Variants in PPP1CC observed in about 807,000 individuals in gnomAD.
PPP1CC encodes protein phosphatase 1 catalytic subunit gamma, also known as serine/threonine-protein phosphatase PP1-gamma catalytic subunit.
In PPP1CC, 16 loss-of-function variants were observed where a neutral mutation model predicts 38.4. The observed-to-expected ratio is 0.42, with a 90% confidence interval of 0.28 to 0.63. PPP1CC has a LOEUF of 0.63. Among genes scored for constraint, PPP1CC ranks in the 30% least tolerant of loss-of-function variants. The pLI, the probability that PPP1CC is intolerant of heterozygous loss-of-function variation, is 0.25. For synonymous variants in PPP1CC, 158 were observed against 136.0 expected, an observed-to-expected ratio of 1.16 and a Z score of -1.13; for missense variants, 170 against 391.3, an observed-to-expected ratio of 0.43 and a Z score of 4.77.
At chr12:110,731,088 A>G (rs1159223037) in intron 2 of PPP1CC, among the ~76,000 whole-genome samples, 1 of 152,134 alleles carries the variant, frequency 6.6e-6, no homozygotes, top group Non-Finnish European at 1.5e-5. Context: ...TGACTGATCA[A>G]TATCAGATCT....
In PPP1CC at chr12:110,742,884, A is replaced by T. The variant is rs1249562087; in HGVS notation, c.-177T>A. 2.4e-5 allele frequency: 10 copies of T among 423,674 alleles called. No individual in the cohort carries two copies. The highest frequency in any genetic ancestry group is 9.3e-4 in the Middle Eastern group (2 of 2,162). The allele number at this position is 423,674 out of a possible 1,614,324, so 26.2% of individuals were successfully genotyped here. On this transcript the variant is annotated 5_prime_UTR_variant, in exon 1 of 7. Transcript: ENST00000335007. ...TCCTCCTTCTCTCCCCACTGGAACC[A>T]CGAGAAGAACAAAATGGCCGCCGAC... is the stretch of plus-strand genomic sequence containing the variant.
chr12:110,741,137 CAAT>C lies in PPP1CC; in HGVS notation c.55+1513_55+1515del, dbSNP rs541623414. 1.4e-4 allele frequency among the ~76,000 whole-genome samples: 21 copies of C among 151,744 alleles called. No individual in the cohort carries two copies. In the South Asian group the frequency reaches 4.4e-3, roughly 32 times the overall value. ...ACCTACAATACAAGGTTTTCACCTG[CAAT>C]AACATTTCAAGAGCATTTCAGGGGT... On this transcript the variant is annotated intron_variant, in intron 1 of 6. Coordinates refer to ENST00000335007, the MANE Select transcript of PPP1CC (RefSeq NM_002710.4).
chr12:110,713,982 C>G, the PPP1CC span, among the ~76,000 whole-genome samples: 1 of 152,026 alleles, frequency 6.6e-6, no homozygotes, highest in African/African-American at 2.4e-5. Flanking sequence ...ACCTGTAGTT[C>G]CAGCTACTCT....
chr12:110,737,477 CAAAAAAAAAAA>C (rs71083137), intron 1 of PPP1CC, among the ~76,000 whole-genome samples: 532 of 42,502 alleles, frequency 0.013, 11 homozygotes, highest in Middle Eastern at 0.065. Flanking sequence ...AAGAAAGACT[CAAAAAAAAAAA>C]AAAAAAAAAA....
chr12:110,724,828 T>C (rs1262901592), intron 3 of PPP1CC, 64 bp from the exon 4 acceptor site: 3 of 982,624 alleles, frequency 3.1e-6, no homozygotes, highest in East Asian at 5.1e-5. Context: ...GCTCATTCTC[T>C]CAGGATTAAC....
chr12:110,721,222 G>T, intron 6 of PPP1CC, 57 bp from the exon 7 acceptor site: 1 of 1,450,158 alleles, frequency 6.9e-7, no homozygotes, highest in Non-Finnish European at 9.6e-7. Flanking sequence ...AATCTTAAGA[G>T]TCCTTAAATT....
downstream of PPP1CC, among the ~76,000 whole-genome samples, chr12:110,715,953 T>C (rs1244267591): frequency 6.6e-6 from 1 of 152,066 alleles, no homozygotes; most frequent in African/African-American, 2.4e-5. Context: ...ACCTGTCGCT[T>C]TATTGCTCCT....
chr12:110,728,713 A>C (rs559378697), intron 3 of PPP1CC, among the ~76,000 whole-genome samples: 1 of 152,198 alleles, frequency 6.6e-6, no homozygotes, highest in Non-Finnish European at 1.5e-5. Flanking sequence ...TTAATATTGA[A>C]TACCTTTCAT....
chr12:110,711,003 C>G, the PPP1CC span, among the ~76,000 whole-genome samples: 1 of 151,664 alleles, frequency 6.6e-6, no homozygotes, highest in African/African-American at 2.4e-5. Context: ...TGGTGAAACC[C>G]CGTCTCTACT....
At position 110,742,677 on chromosome 12, in the gene PPP1CC, T is replaced by C; in HGVS notation, c.31A>G (p.Ser11Gly). 8.1e-6 allele frequency: 12 copies of C among 1,473,972 alleles called. No homozygotes were observed. The highest frequency in any genetic ancestry group is 1.1e-5 in the Non-Finnish European group (12 of 1,105,278). 91.3% of individuals were successfully genotyped at this position (1,473,972 alleles called of 1,614,324 possible). MADLDKLNID[S>G]IIQRLLEVRG... is the part of the protein sequence containing the mutation. ...CCTTCCAGCAGCCGTTGGATAATGC[T>C]GTCGATGTTGAGTTTATCTAAATCC... The change falls in exon 1 of 7, where the codon AGC (serine) becomes GGC (glycine). Residue 11 changes from serine (S) to glycine (G), a missense_variant. Coordinates refer to ENST00000335007, the MANE Select transcript of PPP1CC (RefSeq NM_002710.4).
At chr12:110,723,941 G>A (rs914678937) in intron 4 of PPP1CC, among the ~76,000 whole-genome samples, 2 of 152,004 alleles carry the variant, frequency 1.3e-5, no homozygotes, top group African/African-American at 4.8e-5. Context: ...TCATTTTATA[G>A]TTAAAAACAC....
intron 3 of PPP1CC, among the ~76,000 whole-genome samples, chr12:110,727,613 A>T (rs1357582316): frequency 9.4e-5 from 9 of 96,112 alleles, no homozygotes; most frequent in Non-Finnish European, 1.4e-4. Flanking sequence ...TTACAAAGTT[A>T]AAAAAAAAAA....
At chr12:110,708,864 A>G in the PPP1CC span, among the ~76,000 whole-genome samples, 240 of 150,452 alleles carry the variant, frequency 1.6e-3, 1 homozygote, top group African/African-American at 2.5e-3. Context: ...AAAAAAAAAA[A>G]AAAAGAAAAG....
Position 110,735,831 on chromosome 12 carries a change from G to A in PPP1CC, c.56-3930C>T, listed in dbSNP as rs145482192. On this transcript the variant is annotated intron_variant, in intron 1 of 6. Transcript: ENST00000335007. Reference sequence around the variant, plus strand: ...AGTAATCCCAGCACTTTAGGAGTCCGAAGCGGGCGGATCACCTGAGGTAAG... The same window carrying A: ...AGTAATCCCAGCACTTTAGGAGTCCAAAGCGGGCGGATCACCTGAGGTAAG... 3.8e-3 allele frequency among the ~76,000 whole-genome samples: 572 copies of A among 151,762 alleles called. 6 individuals carry two copies. The highest frequency in any genetic ancestry group is 6.3e-3 in the Non-Finnish European group (428 of 67,968).
chr12:110,717,039 C>A (rs144705452), downstream of PPP1CC, among the ~76,000 whole-genome samples: 3 of 152,206 alleles, frequency 2.0e-5, no homozygotes, highest in Non-Finnish European at 2.9e-5. Context: ...CCAAGTTTTC[C>A]TAATCAAAGT....
intron 1 of PPP1CC, among the ~76,000 whole-genome samples, chr12:110,742,024 C>G (rs982928163): frequency 1.3e-5 from 2 of 152,090 alleles, no homozygotes; most frequent in South Asian, 2.1e-4. Flanking sequence ...AGGAAAAGAG[C>G]GCGGAGACCT....
chr12:110,727,901 C>G (rs1465315244), intron 3 of PPP1CC, among the ~76,000 whole-genome samples: 4 of 152,110 alleles, frequency 2.6e-5, no homozygotes, highest in Non-Finnish European at 4.4e-5. Context: ...GATGACCAAA[C>G]AGGAGTCGAA....
intron 3 of PPP1CC, among the ~76,000 whole-genome samples, chr12:110,728,564 G>A (rs1213630833): frequency 6.6e-6 from 1 of 152,082 alleles, no homozygotes; most frequent in African/African-American, 2.4e-5. Flanking sequence ...GTGGTAGTAA[G>A]CTATGATCCC....
At position 110,722,314 on chromosome 12, in the gene PPP1CC, G is replaced by A. The variant is rs1566081552; in HGVS notation, c.748-45C>T. ...CAATATAAATAGGTGCAAATATTAG[G>A]TGAGTAAAACCATGTTTCAGTTTCC... On this transcript the variant is annotated intron_variant, in intron 5 of 6. Coordinates refer to ENST00000335007, the MANE Select transcript of PPP1CC (RefSeq NM_002710.4). The surrounding 1 kb of genome is among the most constrained non-coding windows in gnomAD (Gnocchi z 5.4). 6.2e-7 allele frequency: 1 copy of A among 1,600,946 alleles called. No individual in the cohort carries two copies. The highest frequency in any genetic ancestry group is 8.5e-7 in the Non-Finnish European group (1 of 1,170,084).
Sources: gnomAD v4.1 joint callset for allele counts (sites outside exome capture counted in the v4.1 genomes callset) on GRCh38, gnomAD v4.1.1 for gene constraint, Gnocchi (gnomAD v3.1) non-coding constraint, MANE v1.5 for transcripts, NCBI Gene and HGNC (gene_info 2026-07-23, HGNC 2026-07-21) for gene names.